Variants in LPP observed in about 807,000 individuals in gnomAD.
The protein encoded by LPP is lipoma-preferred partner.
In LPP, 38 loss-of-function variants were observed where a neutral mutation model predicts 60.4. The ratio of observed to expected loss-of-function variants is 0.63; its 90% CI spans 0.49 to 0.83. LPP has a LOEUF of 0.83. LPP is among the 40% of genes least tolerant of loss of function. The pLI, the probability that LPP is intolerant of heterozygous loss-of-function variation, is 0.00. For missense variants in LPP, 902 were observed against 783.6 expected (o/e 1.15, Z -1.80); for synonymous variants, 328 against 290.8 (o/e 1.13, Z -1.30).
At chr3:188,384,382 C>CAT (rs781504418) in intron 3 of LPP, among the ~76,000 whole-genome samples, 13 of 148,020 alleles carry the variant, frequency 8.8e-5, no homozygotes, top group Admixed American at 2.0e-4. Flanking sequence ...GTGTACACAC[C>CAT]ATATATATAT....
chr3:188,218,101 T>C (rs529372770), intron 1 of LPP, among the ~76,000 whole-genome samples: 66 of 152,332 alleles, frequency 4.3e-4, no homozygotes, highest in African/African-American at 1.4e-3. Flanking sequence ...TCAATCTCCA[T>C]GTGAGATGGG....
chr3:188,819,077 A>AG (rs1267369611), intron 9 of LPP, among the ~76,000 whole-genome samples: 6 of 147,764 alleles, frequency 4.1e-5, no homozygotes, highest in African/African-American at 1.5e-4. Context: ...TGTGTTACTT[A>AG]CAATGTTTTT....
At chr3:188,756,526 T>A (rs1258009563) in intron 8 of LPP, among the ~76,000 whole-genome samples, 1 of 152,186 alleles carries the variant, frequency 6.6e-6, no homozygotes, top group East Asian at 1.9e-4. Flanking sequence ...CTTTTAATAA[T>A]GTGTGGGGTA....
intron 6 of LPP, among the ~76,000 whole-genome samples, chr3:188,533,186 G>C (rs1444908647): frequency 1.3e-5 from 2 of 152,160 alleles, no homozygotes; most frequent in African/African-American, 4.8e-5. Context: ...GTGGTGCCCT[G>C]GATCTTCCCT....
intron 8 of LPP, among the ~76,000 whole-genome samples, chr3:188,736,876 T>A (rs17671666): frequency 6.6e-6 from 1 of 151,960 alleles, no homozygotes; most frequent in Non-Finnish European, 1.5e-5. Context: ...AAAGGGAATC[T>A]GCTGAACAAA....
intron 2 of LPP, among the ~76,000 whole-genome samples, chr3:188,265,858 T>C (rs1424040983): frequency 6.9e-6 from 1 of 145,630 alleles, no homozygotes; most frequent in Non-Finnish European, 1.5e-5. Flanking sequence ...AGGGCTGTGA[T>C]AGGATTACTC....
intron 3 of LPP, among the ~76,000 whole-genome samples, chr3:188,377,624 C>G (rs903835832): frequency 1.3e-5 from 2 of 151,992 alleles, no homozygotes; most frequent in African/African-American, 4.8e-5. Context: ...TTTTTCAAAG[C>G]TTTTAACTTC....
At chr3:188,745,092 T>C (rs1043916242) in intron 8 of LPP, among the ~76,000 whole-genome samples, 3 of 152,128 alleles carry the variant, frequency 2.0e-5, no homozygotes, top group African/African-American at 7.2e-5. Context: ...CTCCCCCAAT[T>C]TGAGCTCATT....
Position 188,609,384 on chromosome 3 carries a change from G to C in LPP, c.653G>C (p.Arg218Thr). ...ASYTTASTSS[R>T]PTFNVQVKSA... ...TACACCACGGCCTCCACTTCTTCAA[G>C]GCCTACCTTTAATGTGCAGGTGAAG... The change falls in exon 7 of 12, where the codon AGG becomes ACG. Residue 218 changes from arginine to threonine, a missense_variant. Coordinates refer to ENST00000617246, the MANE Select transcript of LPP (RefSeq NM_001375462.1). This position sits in a 1 kb window ranked among gnomAD's most constrained non-coding sequence, Gnocchi z 6.9. 6.2e-7 allele frequency: 1 copy of C among 1,614,110 alleles called. No homozygotes were observed. Among genetic ancestry groups the C allele is most frequent in the South Asian group, 1.1e-5 (1 of 91,082 alleles).
At chr3:188,871,811 A>G (rs1304458593) in intron 10 of LPP, among the ~76,000 whole-genome samples, 3 of 152,164 alleles carry the variant, frequency 2.0e-5, no homozygotes, top group Admixed American at 6.5e-5. Flanking sequence ...CCTGTCATAG[A>G]AAAAAAATTG....
At chr3:188,520,479 C>A (rs551088123) in intron 5 of LPP, among the ~76,000 whole-genome samples, 1 of 152,146 alleles carries the variant, frequency 6.6e-6, no homozygotes, top group Non-Finnish European at 1.5e-5. Context: ...GGGAAAATGC[C>A]CCCGTGATTC....
chr3:188,211,422 G>A (rs987378220), intron 1 of LPP, among the ~76,000 whole-genome samples: 4 of 152,104 alleles, frequency 2.6e-5, no homozygotes, highest in Non-Finnish European at 5.9e-5. Context: ...AGTAGAACGA[G>A]ATCACTAAGA....
intron 6 of LPP, among the ~76,000 whole-genome samples, chr3:188,533,006 C>T (rs1822599479): frequency 6.6e-6 from 1 of 152,200 alleles, no homozygotes; most frequent in African/African-American, 2.4e-5. Context: ...CATATGGACA[C>T]ATCGTTAGCT....
At chr3:188,776,430 G>A (rs941387333) in intron 9 of LPP, among the ~76,000 whole-genome samples, 12 of 152,180 alleles carry the variant, frequency 7.9e-5, no homozygotes, top group Admixed American at 4.6e-4. Context: ...GTAAAGATTT[G>A]TTGAGCATTC....
intron 4 of LPP, among the ~76,000 whole-genome samples, chr3:188,417,864 T>A (rs1786732290): frequency 6.6e-6 from 1 of 152,184 alleles, no homozygotes. Context: ...TTTTACCTAG[T>A]CAAACACACA....
intron 9 of LPP, among the ~76,000 whole-genome samples, chr3:188,793,125 G>GT (rs975183683): frequency 1.1e-4 from 17 of 151,934 alleles, no homozygotes; most frequent in African/African-American, 3.9e-4. Context: ...TACTTTGTAC[G>GT]TATCAGTCTA....
chr3:188,586,422 C>A (rs560508344), intron 6 of LPP, among the ~76,000 whole-genome samples: 1 of 152,134 alleles, frequency 6.6e-6, no homozygotes, highest in Non-Finnish European at 1.5e-5. Context: ...ACTAAATAGG[C>A]CTCATTAGTC....
intron 1 of LPP, among the ~76,000 whole-genome samples, chr3:188,156,014 C>CA (rs1039477903): frequency 9.9e-5 from 15 of 150,952 alleles, no homozygotes; most frequent in African/African-American, 2.7e-4. Flanking sequence ...GACTGCCTCT[C>CA]AAAAAAAACA....
chr3:188,632,218 T>C (rs1464517848), intron 7 of LPP, among the ~76,000 whole-genome samples: 1 of 152,194 alleles, frequency 6.6e-6, no homozygotes, highest in Non-Finnish European at 1.5e-5. Context: ...AAGAATAAGA[T>C]ACATATGCTG....
Sources: gnomAD v4.1 joint callset for allele counts (sites outside exome capture counted in the v4.1 genomes callset) on GRCh38, gnomAD v4.1.1 for gene constraint, Gnocchi (gnomAD v3.1) non-coding constraint, MANE v1.5 for transcripts, NCBI Gene and HGNC (gene_info 2026-07-23, HGNC 2026-07-21) for gene names.